CCDC158: variants seen among roughly 807,000 people sequenced by gnomAD.
The protein encoded by CCDC158 is coiled-coil domain containing 158.
CCDC158 carries 116 observed loss-of-function variants against 138.6 expected under a neutral mutation model. That is an observed-to-expected ratio of 0.84 (90% CI 0.72 to 0.98). The LOEUF (loss-of-function observed/expected upper bound fraction) is 0.98, where lower values mean the gene tolerates loss of function less well. Among genes scored for constraint, CCDC158 ranks in the 50% least tolerant of loss-of-function variants. CCDC158 has a pLI of 0.00. For missense variants in CCDC158, 1,265 were observed against 1,306.1 expected (o/e 0.97, Z 0.48); for synonymous variants, 436 against 442.4 (o/e 0.99, Z 0.18).
intron 8 of CCDC158, among the ~76,000 whole-genome samples, chr4:76,382,176 T>TTC (rs140438160): frequency 2.6e-5 from 4 of 151,714 alleles, no homozygotes; most frequent in Admixed American, 2.0e-4. Flanking sequence ...CACATCCCCA[T>TTC]TCTCTCTCTC....
chr4:76,360,074 G>T (rs1035881369), intron 13 of CCDC158, among the ~76,000 whole-genome samples: 5 of 152,246 alleles, frequency 3.3e-5, no homozygotes, highest in African/African-American at 1.2e-4. Flanking sequence ...AGCTGCTCCA[G>T]TTCCAACTCT....
chr4:76,357,001 G>A (rs1723634997), intron 14 of CCDC158, among the ~76,000 whole-genome samples: 1 of 151,918 alleles, frequency 6.6e-6, no homozygotes, highest in Non-Finnish European at 1.5e-5. Context: ...AACTAGCCAG[G>A]GACCTACAGT....
intron 24 of CCDC158, among the ~76,000 whole-genome samples, chr4:76,321,520 A>T (rs1700378411): frequency 6.6e-6 from 1 of 150,582 alleles, no homozygotes; most frequent in African/African-American, 2.4e-5. Flanking sequence ...TCACCAACCA[A>T]CTAGTGGATA....
chr4:76,344,681 A>G (rs1405653512), intron 18 of CCDC158: 1 of 1,613,676 alleles, frequency 6.2e-7, no homozygotes, highest in East Asian at 2.2e-5. Context: ...TTCAGAGCCC[A>G]GAGTTTTCTG....
chr4:76,352,809 G>C (rs1723177200), intron 16 of CCDC158: 2 of 204,072 alleles, frequency 9.8e-6, no homozygotes, highest in Admixed American at 1.2e-4. Context: ...TAAATCAGGT[G>C]CTCATGGAGA....
In CCDC158 at chr4:76,323,397, G is replaced by A. The variant is rs778903354; in HGVS notation, c.3182C>T (p.Pro1061Leu). The A allele has an allele frequency of 2.7e-5, 43 of 1,609,654 alleles. No individual in the cohort carries two copies. Among genetic ancestry groups the A allele is most frequent in the South Asian group, 1.7e-4 (15 of 89,998 alleles). ...TGTTTTTCCTGTTGTTTCTATTGGC[G>A]GAGACTGTGAATCTATTAGAAAATT... Reference protein sequence around the residue: ...SSDSVKDSQSPPIETTGKTCR... With the variant: ...SSDSVKDSQSLPIETTGKTCR... The change falls in exon 24 of 25, where the codon CCG becomes CTG. Residue 1061 changes from proline (P) to leucine (L), a missense_variant. Transcript: ENST00000682701.
chr4:76,392,132 A>G (rs1037130615), intron 4 of CCDC158, among the ~76,000 whole-genome samples: 9 of 152,028 alleles, frequency 5.9e-5, no homozygotes, highest in Non-Finnish European at 1.0e-4. Flanking sequence ...GATGGCAGTT[A>G]TTACCCTGAT....
At chr4:76,353,396 T>C in intron 15 of CCDC158, 115 bp from the exon 16 acceptor site, 1 of 745,970 alleles carries the variant, frequency 1.3e-6, no homozygotes, top group Non-Finnish European at 2.1e-6. Context: ...GTTTAATTTA[T>C]ATGCCATTTA....
chr4:76,409,718 CTATT>C (rs1212925705), intron 2 of CCDC158, among the ~76,000 whole-genome samples: 1 of 152,076 alleles, frequency 6.6e-6, no homozygotes, highest in African/African-American at 2.4e-5. Context: ...GTATTCCCAG[CTATT>C]CGGGAGGCTG....
In CCDC158 at chr4:76,382,695, C is replaced by G; in HGVS notation, c.829G>C (p.Glu277Gln). ...DRIEQLISEH[E>Q]VEITGLTEKA... is the part of the protein sequence containing the mutation. ...TCAGTAAGTCCTGTTATTTCAACTT[C>G]ATGTTCACTTATTAACTGCTCAATC... is the stretch of plus-strand genomic sequence containing the variant. Residue 277 changes from glutamate (E) to glutamine (Q), a missense_variant, in exon 8 of 25, where the codon GAA (glutamate) becomes CAA (glutamine). Transcript: ENST00000682701. The G allele has an allele frequency of 6.2e-7, 1 of 1,612,878 alleles. No homozygotes were observed. The highest frequency in any genetic ancestry group is 8.5e-7 in the Non-Finnish European group (1 of 1,179,102).
chr4:76,342,091 G>A (rs548846934), intron 18 of CCDC158, among the ~76,000 whole-genome samples: 1 of 152,036 alleles, frequency 6.6e-6, no homozygotes, highest in South Asian at 2.1e-4. Flanking sequence ...TTTTTTGAGA[G>A]AGAGAGTCCT....
intron 2 of CCDC158, among the ~76,000 whole-genome samples, chr4:76,411,014 C>A (rs1729252566): frequency 6.6e-6 from 1 of 152,196 alleles, no homozygotes; most frequent in Admixed American, 6.5e-5. Flanking sequence ...AACTCACGTG[C>A]AGGCCTTCCT....
chr4:76,328,338 C>T (rs1295645834), intron 22 of CCDC158, among the ~76,000 whole-genome samples: 1 of 152,228 alleles, frequency 6.6e-6, no homozygotes, highest in African/African-American at 2.4e-5. Context: ...GACATCTGCC[C>T]TTGCACAGCT....
rs71212417 is a variant in CCDC158 at position 76,355,798 on chromosome 4, CGTGTGTGTGTGTGTGT to C, written c.2174-378_2174-363del. On this transcript the variant is annotated intron_variant, in intron 14 of 24. Transcript: ENST00000682701. ...AAATATATAATATATAATATATGTA[CGTGTGTGTGTGTGTGT>C]GTGTGTGTGTGTGTGTAGACATGGG... Among the ~76,000 whole-genome samples the C allele has an allele frequency of 1.1e-4, 16 of 145,582 alleles. No individual in the cohort carries two copies. The South Asian group carries it at 1.1e-3, about 10-fold the overall frequency.
chr4:76,371,598 A>C, intron 9 of CCDC158, 62 bp from the exon 10 acceptor site: 1 of 1,562,298 alleles, frequency 6.4e-7, no homozygotes, highest in South Asian at 1.2e-5. Flanking sequence ...TAAAATAAAT[A>C]TAGACTTTGG....
rs898930692 is a variant in CCDC158 at position 76,376,930 on chromosome 4, A to G, written c.1029+2360T>C. ...CTGTCAAAATTCTTGCTCAGCCACT[A>G]TTTACATTAGAGCAAAATAAGAGAA... On this transcript the variant is annotated intron_variant, in intron 9 of 24. Coordinates refer to ENST00000682701, the MANE Select transcript of CCDC158 (RefSeq NM_001394954.1). Among the ~76,000 whole-genome samples, 8 of 152,208 alleles carry G rather than the reference A, an allele frequency of 5.3e-5. No homozygotes were observed. In the East Asian group the frequency reaches 1.2e-3, roughly 22 times the overall value.
At chr4:76,396,169 T>C in intron 4 of CCDC158, 100 bp downstream of exon 4, 1 of 752,048 alleles carries the variant, frequency 1.3e-6, no homozygotes, top group Non-Finnish European at 2.1e-6. Flanking sequence ...TTTGTTAGTT[T>C]TTTCTTCCAG....
intron 18 of CCDC158, among the ~76,000 whole-genome samples, chr4:76,337,609 G>A (rs2110121616): frequency 6.6e-6 from 1 of 152,148 alleles, no homozygotes; most frequent in South Asian, 2.1e-4. Flanking sequence ...GTGCACGCCT[G>A]TAATCCCAGC....
chr4:76,341,529 G>A (rs775431840), intron 18 of CCDC158, among the ~76,000 whole-genome samples: 2 of 152,194 alleles, frequency 1.3e-5, no homozygotes, highest in Non-Finnish European at 2.9e-5. Flanking sequence ...CATTGGCAAA[G>A]ATCAAGCACA....
Sources: allele counts gnomAD v4.1 joint callset (sites outside exome capture counted in the v4.1 genomes callset), GRCh38; gene constraint gnomAD v4.1.1; transcripts MANE v1.5; gene names NCBI Gene and HGNC (gene_info 2026-07-23, HGNC 2026-07-21).